GOLM1: variants seen among roughly 807,000 people sequenced by gnomAD.
The protein encoded by GOLM1 is golgi membrane protein 1, also known as epididymis luminal protein 46.
GOLM1 carries 31 observed loss-of-function variants against 50.5 expected under a neutral mutation model. That is an observed-to-expected ratio of 0.61 (90% CI 0.46 to 0.83). GOLM1 has a LOEUF of 0.83. Among genes scored for constraint, GOLM1 ranks in the 40% least tolerant of loss-of-function variants. The probability of loss-of-function intolerance (pLI) is 0.00; values close to 1 mark genes in which losing one functional copy is unlikely to be tolerated. For missense variants in GOLM1, 491 were observed against 501.3 expected, an observed-to-expected ratio of 0.98 and a Z score of 0.20; for synonymous variants, 178 against 192.8, an observed-to-expected ratio of 0.92 and a Z score of 0.64.
At chr9:86,041,873 C>T (rs866891598) in intron 5 of GOLM1, among the ~76,000 whole-genome samples, 2 of 152,184 alleles carry the variant, frequency 1.3e-5, no homozygotes, top group African/African-American at 4.8e-5. Flanking sequence ...AATCCCAGCA[C>T]TTTGGGAGGC....
chr9:86,078,613 T>A (rs981251287), intron 2 of GOLM1, among the ~76,000 whole-genome samples: 5 of 151,978 alleles, frequency 3.3e-5, no homozygotes, highest in Non-Finnish European at 1.5e-5. Flanking sequence ...GGTGCCAAGA[T>A]CAAGGCCTAG....
Position 86,029,498 on chromosome 9 carries a change from A to G in GOLM1, c.1130-1605T>C, listed in dbSNP as rs1342266395. ...TGATCTTACTCTATCCTTTTAACACACAGAAAACATAAAAAGGCACATCAC... is the reference window on the plus strand; with the variant it reads ...TGATCTTACTCTATCCTTTTAACACGCAGAAAACATAAAAAGGCACATCAC... On this transcript the variant is annotated intron_variant, in intron 9 of 9. Transcript: ENST00000388712. 3.9e-5 allele frequency among the ~76,000 whole-genome samples: 6 copies of G among 152,260 alleles called. No individual in the cohort carries two copies. The South Asian group carries it at 1.0e-3, about 26-fold the overall frequency.
chr9:86,099,695 C>G (rs534187117), upstream of GOLM1: 1 of 151,452 alleles, frequency 6.6e-6, no homozygotes, highest in Non-Finnish European at 1.5e-5. Context: ...GCGCGCGCCC[C>G]GGCCGGTGGC....
In GOLM1 at chr9:86,026,902, G is replaced by A. The variant is rs191416221; in HGVS notation, c.*915C>T. On this transcript the variant is annotated 3_prime_UTR_variant, in exon 10 of 10. Coordinates refer to ENST00000388712, the MANE Select transcript of GOLM1 (RefSeq NM_016548.4). ...ATTTCTAACACTGTATATATCCTTC[G>A]ACATCAATGAACTTTGTTTTCTTTT... is the stretch of plus-strand genomic sequence containing the variant. 728 of 984,024 alleles carry A rather than the reference G, an allele frequency of 7.4e-4. 10 individuals carry two copies. The South Asian group carries it at 0.028, about 38-fold the overall frequency. 61.0% of individuals were successfully genotyped at this position (984,024 alleles called of 1,614,324 possible). A position where few individuals can be genotyped will look rare whatever the true frequency, so the allele number is the denominator to read the frequency against.
intron 3 of GOLM1, among the ~76,000 whole-genome samples, chr9:86,053,586 C>CCA (rs1305461531): frequency 0.042 from 40 of 942 alleles, no homozygotes; most frequent in East Asian, 0.12. Context: ...ACACCACACA[C>CCA]CACACCACTC....
At chr9:86,064,563 C>CT in intron 3 of GOLM1, among the ~76,000 whole-genome samples, 1 of 152,320 alleles carries the variant, frequency 6.6e-6, no homozygotes, top group South Asian at 2.1e-4. Flanking sequence ...ACCCAGCCCT[C>CT]TCCCCACATG....
At chr9:86,035,671 T>TTTAA in intron 7 of GOLM1, 46 bp from the exon 8 acceptor site, 1 of 872,634 alleles carries the variant, frequency 1.1e-6, no homozygotes, top group South Asian at 1.8e-5. Flanking sequence ...GCATTTGATT[T>TTTAA]AAAAAAAAAA....
intron 3 of GOLM1, among the ~76,000 whole-genome samples, chr9:86,064,952 T>C (rs1834265312): frequency 6.6e-6 from 1 of 152,178 alleles, no homozygotes; most frequent in African/African-American, 2.4e-5. Flanking sequence ...TCCAATCAGA[T>C]GCACTTACTG....
intron 1 of GOLM1, among the ~76,000 whole-genome samples, chr9:86,092,808 C>T (rs1835229214): frequency 6.6e-6 from 1 of 152,204 alleles, no homozygotes; most frequent in Admixed American, 6.5e-5. Flanking sequence ...AACTCACAGG[C>T]AGAGTTTATG....
chr9:86,061,283 G>A (rs1834154347), intron 3 of GOLM1, among the ~76,000 whole-genome samples: 1 of 152,168 alleles, frequency 6.6e-6, no homozygotes, highest in South Asian at 2.1e-4. Context: ...AAAGAAAGGT[G>A]AATTAGAAGA....
intron 3 of GOLM1, among the ~76,000 whole-genome samples, chr9:86,067,885 A>G (rs1297676044): frequency 6.6e-6 from 1 of 152,202 alleles, no homozygotes; most frequent in African/African-American, 2.4e-5. Flanking sequence ...GGGTGCCTGT[A>G]GTCCCAACTA....
At chr9:86,052,289 A>T (rs1055229732) in intron 4 of GOLM1, among the ~76,000 whole-genome samples, 1 of 152,220 alleles carries the variant, frequency 6.6e-6, no homozygotes, top group Non-Finnish European at 1.5e-5. Flanking sequence ...CTCTTAACAC[A>T]TTCATGAGTG....
chr9:86,057,833 C>G (rs539358809), intron 3 of GOLM1, among the ~76,000 whole-genome samples: 8 of 152,222 alleles, frequency 5.3e-5, no homozygotes, highest in Non-Finnish European at 1.0e-4. Context: ...AGGGTGTCCA[C>G]CGAGCCTGGC....
chr9:86,060,422 C>A (rs572817802), intron 3 of GOLM1, among the ~76,000 whole-genome samples: 1 of 152,102 alleles, frequency 6.6e-6, no homozygotes, highest in Non-Finnish European at 1.5e-5. Flanking sequence ...AACAACAAGA[C>A]AAGCAGTGAC....
At chr9:86,098,937 T>TGGAGGGGAGGAAGAGGCGGCG (rs979404303) in intron 1 of GOLM1, among the ~76,000 whole-genome samples, 4 of 152,066 alleles carry the variant, frequency 2.6e-5, no homozygotes, top group African/African-American at 9.7e-5. Context: ...CGCCTGGGGC[T>TGGAGGGGAGGAAGAGGCGGCG]GGAGGGGAGG....
chr9:86,068,447 C>A (rs6559897), intron 3 of GOLM1, among the ~76,000 whole-genome samples: 1 of 152,110 alleles, frequency 6.6e-6, no homozygotes, highest in Non-Finnish European at 1.5e-5. Flanking sequence ...AGGATGCTAA[C>A]TCTCAAAACC....
rs539920057 is a variant in GOLM1, at chr9:86,089,296, T to C, written c.-21-9955A>G. Among the ~76,000 whole-genome samples the C allele has an allele frequency of 5.3e-5, 8 of 152,314 alleles. 1 individual carries two copies. The South Asian group carries it at 1.7e-3, about 32-fold the overall frequency. On this transcript the variant is annotated intron_variant, in intron 1 of 9. Coordinates refer to ENST00000388712, the MANE Select transcript of GOLM1 (RefSeq NM_016548.4). ...TCTCTGTATTTCCTGAATTTGAATG[T>C]TGGCCTGTCTTGCTAGGTTGGGGAA...
chr9:86,082,925 G>A (rs1344176554), intron 1 of GOLM1, among the ~76,000 whole-genome samples: 1 of 152,220 alleles, frequency 6.6e-6, no homozygotes, highest in Non-Finnish European at 1.5e-5. Flanking sequence ...TGTAAATGCT[G>A]TGTATTTCTT....
At chr9:86,039,994 A>G (rs971347673) in intron 6 of GOLM1, among the ~76,000 whole-genome samples, 1 of 151,872 alleles carries the variant, frequency 6.6e-6, no homozygotes, top group Non-Finnish European at 1.5e-5. Flanking sequence ...AGTCAGACAC[A>G]AAAGGCCACA....
Sources: allele counts gnomAD v4.1 joint callset (sites outside exome capture counted in the v4.1 genomes callset), GRCh38; gene constraint gnomAD v4.1.1; transcripts MANE v1.5; gene names NCBI Gene and HGNC (gene_info 2026-07-23, HGNC 2026-07-21).